ENTREP2: variants seen among roughly 807,000 people sequenced by gnomAD.
ENTREP2 encodes endosomal transmembrane epsin interactor 2, also known as protein ENTREP2.
the ENTREP2 span, chr15:29,124,715 C>T: frequency 2.5e-5 from 38 of 1,550,584 alleles, no homozygotes; most frequent in Middle Eastern, 1.7e-4. Context: ...CAGACAGTCC[C>T]GCTTCCAGGT....
the ENTREP2 span, among the ~76,000 whole-genome samples, chr15:29,576,973 A>AT: frequency 1.3e-5 from 2 of 151,880 alleles, no homozygotes; most frequent in Admixed American, 6.6e-5. Flanking sequence ...GCACCCGCTA[A>AT]TTTTTTTGTA....
At chr15:29,346,077 G>A in the ENTREP2 span, among the ~76,000 whole-genome samples, 6 of 152,190 alleles carry the variant, frequency 3.9e-5, no homozygotes, top group Non-Finnish European at 5.9e-5. Context: ...ATCCCGCTCG[G>A]CGAACGAGCT....
At chr15:29,318,652 A>G in the ENTREP2 span, among the ~76,000 whole-genome samples, 18 of 152,284 alleles carry the variant, frequency 1.2e-4, no homozygotes, top group Admixed American at 6.5e-4. Context: ...TAAAGATACA[A>G]TGCTACTGCA....
At chr15:29,625,858 T>C in the ENTREP2 span, among the ~76,000 whole-genome samples, 1 of 152,096 alleles carries the variant, frequency 6.6e-6, no homozygotes, top group East Asian at 1.9e-4. Context: ...TTTTTTTCTT[T>C]TCTTTTTTAT....
At chr15:29,364,248 G>C in the ENTREP2 span, among the ~76,000 whole-genome samples, 2 of 152,008 alleles carry the variant, frequency 1.3e-5, no homozygotes. Context: ...AGGTTTTTTT[G>C]GTTATATTTT....
At chr15:29,310,227 A>T in the ENTREP2 span, among the ~76,000 whole-genome samples, 10 of 152,210 alleles carry the variant, frequency 6.6e-5, no homozygotes, top group Admixed American at 2.6e-4. Flanking sequence ...ACAGAAGCTG[A>T]GAATTCGCAC....
At chr15:29,485,690 G>A in the ENTREP2 span, among the ~76,000 whole-genome samples, 4 of 152,254 alleles carry the variant, frequency 2.6e-5, no homozygotes, top group African/African-American at 7.2e-5. Context: ...ATTAAAAAGT[G>A]GGCAAAGGAT....
At chr15:29,322,907 T>C in the ENTREP2 span, among the ~76,000 whole-genome samples, 27,005 of 152,194 alleles carry the variant, frequency 0.18, 2,989 homozygotes, top group Non-Finnish European at 0.25. Context: ...CTTGGTTAAA[T>C]AAACCTCTAA....
chr15:29,311,838 T>C, the ENTREP2 span, among the ~76,000 whole-genome samples: 1 of 152,210 alleles, frequency 6.6e-6, no homozygotes, highest in African/African-American at 2.4e-5. Context: ...ATGGAGGTTA[T>C]AGATTCAGGA....
the ENTREP2 span, among the ~76,000 whole-genome samples, chr15:29,519,180 C>G: frequency 6.6e-6 from 1 of 152,012 alleles, no homozygotes; most frequent in Non-Finnish European, 1.5e-5. Flanking sequence ...CACACACATA[C>G]ACACACAGAG....
the ENTREP2 span, chr15:29,610,642 T>C: frequency 6.6e-6 from 1 of 150,462 alleles, no homozygotes; most frequent in Admixed American, 6.7e-5. Context: ...TCAGGGTCAA[T>C]AAAGGCAGAG....
At chr15:29,148,736 G>C in the ENTREP2 span, among the ~76,000 whole-genome samples, 2 of 152,120 alleles carry the variant, frequency 1.3e-5, no homozygotes, top group South Asian at 4.1e-4. Flanking sequence ...CTGCTGTGTG[G>C]AGTGCCTCGT....
the ENTREP2 span, among the ~76,000 whole-genome samples, chr15:29,524,420 G>T: frequency 6.6e-6 from 1 of 152,204 alleles, no homozygotes; most frequent in Admixed American, 6.5e-5. Flanking sequence ...TGTTGGTAAT[G>T]TTACGGGCAG....
chr15:29,396,298 CCT>C, the ENTREP2 span, among the ~76,000 whole-genome samples: 1 of 151,646 alleles, frequency 6.6e-6, no homozygotes. Flanking sequence ...CTACGCTTCT[CCT>C]CTCTGTTACC....
the ENTREP2 span, among the ~76,000 whole-genome samples, chr15:29,370,527 G>A: frequency 2.0e-5 from 3 of 152,010 alleles, no homozygotes; most frequent in East Asian, 3.9e-4. Context: ...ACTGAAAAAT[G>A]AGAAATGTCA....
chr15:29,212,719 T>A, the ENTREP2 span, among the ~76,000 whole-genome samples: 1 of 152,202 alleles, frequency 6.6e-6, no homozygotes, highest in Non-Finnish European at 1.5e-5. Flanking sequence ...AATTTTTTAA[T>A]TTCCATCTTG....
the ENTREP2 span, among the ~76,000 whole-genome samples, chr15:29,592,266 G>A: frequency 2.6e-5 from 4 of 152,206 alleles, no homozygotes; most frequent in African/African-American, 4.8e-5. Context: ...GGCAAGTCAT[G>A]CTCATGAAAT....
the ENTREP2 span, among the ~76,000 whole-genome samples, chr15:29,149,879 C>A: frequency 1.3e-5 from 2 of 152,166 alleles, no homozygotes; most frequent in African/African-American, 4.8e-5. Flanking sequence ...GGCAGGAAGC[C>A]GGATATTTCT....
the ENTREP2 span, among the ~76,000 whole-genome samples, chr15:29,632,693 G>T: frequency 3.9e-5 from 6 of 152,158 alleles, no homozygotes; most frequent in African/African-American, 1.2e-4. Context: ...GCTGAAGCAG[G>T]GAGAATTGCT....
Sources: gnomAD v4.1 joint callset for allele counts (sites outside exome capture counted in the v4.1 genomes callset) on GRCh38, gnomAD v4.1.1 for gene constraint, MANE v1.5 for transcripts, NCBI Gene and HGNC (gene_info 2026-07-23, HGNC 2026-07-21) for gene names.